The following BICRAL variants were observed in gnomAD, a reference collection of about 807,000 sequenced individuals.
BICRAL encodes BICRA like chromatin remodeling complex associated protein.
In BICRAL, 8 loss-of-function variants were observed where a neutral mutation model predicts 91.8. That is an observed-to-expected ratio of 0.09 (90% CI 0.05 to 0.16). The LOEUF (loss-of-function observed/expected upper bound fraction) is 0.16. Among genes scored for constraint, BICRAL ranks in the 10% least tolerant of loss-of-function variants. The pLI, the probability that BICRAL is intolerant of heterozygous loss-of-function variation, is 1.00. For missense variants in BICRAL, 1,038 were observed against 1,310.9 expected (o/e 0.79, Z 3.21); for synonymous variants, 445 against 491.1 (o/e 0.91, Z 1.24).
intron 1 of BICRAL, 120 bp downstream of exon 1, chr6:42,782,221 G>C: frequency 6.6e-6 from 1 of 150,498 alleles, no homozygotes; most frequent in South Asian, 2.1e-4. Flanking sequence ...AGGGAGGGGG[G>C]GCTGGAGATC....
At chr6:42,786,777 G>A (rs1763114552) in intron 1 of BICRAL, among the ~76,000 whole-genome samples, 2 of 152,116 alleles carry the variant, frequency 1.3e-5, no homozygotes, top group South Asian at 4.1e-4. Context: ...TGAAAAGCTG[G>A]GGAGACATTT....
intron 1 of BICRAL, among the ~76,000 whole-genome samples, chr6:42,764,554 G>C (rs984265374): frequency 6.6e-6 from 1 of 151,568 alleles, no homozygotes; most frequent in Non-Finnish European, 1.5e-5. Flanking sequence ...AAAAAAAAGA[G>C]TTTTGTGTTG....
At chr6:42,827,321 A>G (rs1378540509) in intron 5 of BICRAL, among the ~76,000 whole-genome samples, 1 of 152,224 alleles carries the variant, frequency 6.6e-6, no homozygotes, top group Non-Finnish European at 1.5e-5. Flanking sequence ...CATATCATGC[A>G]GGATATCTCT....
chr6:42,828,337 C>A (rs2113955710), intron 5 of BICRAL, among the ~76,000 whole-genome samples, 156 bp from the exon 6 acceptor site: 1 of 149,864 alleles, frequency 6.7e-6, no homozygotes, highest in East Asian at 2.0e-4. Flanking sequence ...GGAGGCGGAG[C>A]TTGCAGTGAG....
chr6:42,809,611 A>G (rs576547411), intron 1 of BICRAL, among the ~76,000 whole-genome samples: 114 of 151,586 alleles, frequency 7.5e-4, no homozygotes, highest in African/African-American at 2.7e-3. Context: ...AGTAGCTGGG[A>G]CCACAGGCCC....
In BICRAL at chr6:42,856,594, G is replaced by A. The variant is rs555193185; in HGVS notation, c.2109-497G>A. Among the ~76,000 whole-genome samples the A allele has an allele frequency of 6.6e-5, 10 of 151,758 alleles. No individual in the cohort carries two copies. The South Asian group carries it at 2.1e-3, about 32-fold the overall frequency. On this transcript the variant is annotated intron_variant, in intron 9 of 12. Coordinates refer to ENST00000314073, the MANE Select transcript of BICRAL (RefSeq NM_001393499.1). ...TCACCATGTTGGCCAGGCTGGTCTTGAACTCCTGACCTCAGGTGATCCACC... is the reference window on the plus strand; with the variant it reads ...TCACCATGTTGGCCAGGCTGGTCTTAAACTCCTGACCTCAGGTGATCCACC...
At chr6:42,854,350 T>C (rs1301708899) in intron 8 of BICRAL, among the ~76,000 whole-genome samples, 2 of 152,002 alleles carry the variant, frequency 1.3e-5, no homozygotes, top group Non-Finnish European at 2.9e-5. Context: ...GCCCAGCTGT[T>C]TTTTTGTATT....
intron 1 of BICRAL, among the ~76,000 whole-genome samples, chr6:42,796,372 T>G (rs532445447): frequency 6.6e-6 from 1 of 152,126 alleles, no homozygotes; most frequent in African/African-American, 2.4e-5. Flanking sequence ...GCCTAAGATA[T>G]GAGCATGCAT....
chr6:42,751,962 C>G (rs1279428781), intron 1 of BICRAL, among the ~76,000 whole-genome samples: 1 of 151,380 alleles, frequency 6.6e-6, no homozygotes. Flanking sequence ...CGGCCAAGCC[C>G]CTTTTTCTAG....
At chr6:42,862,933 C>G (rs957210362) in intron 12 of BICRAL, among the ~76,000 whole-genome samples, 4 of 152,116 alleles carry the variant, frequency 2.6e-5, no homozygotes, top group Non-Finnish European at 5.9e-5. Context: ...TAGATGTCAT[C>G]AAAGCTCTAT....
chr6:42,840,219 T>TTTTGTTTG (rs143931324), intron 6 of BICRAL, among the ~76,000 whole-genome samples: 17 of 150,396 alleles, frequency 1.1e-4, no homozygotes, highest in East Asian at 7.9e-4. Flanking sequence ...TTTTGTTCTT[T>TTTTGTTTG]TTTGTTTGTT....
chr6:42,828,416 A>T, intron 5 of BICRAL, 77 bp from the exon 6 acceptor site: 2 of 1,291,948 alleles, frequency 1.5e-6, no homozygotes, highest in Non-Finnish European at 2.1e-6. Flanking sequence ...AAAAAAAAAA[A>T]GTAAAAGTAA....
chr6:42,769,231 C>T (rs971144982), intron 1 of BICRAL, among the ~76,000 whole-genome samples: 2 of 152,180 alleles, frequency 1.3e-5, no homozygotes, highest in Non-Finnish European at 2.9e-5. Context: ...CCAAGCTCAC[C>T]CGTGAGGCGG....
intron 1 of BICRAL, among the ~76,000 whole-genome samples, chr6:42,774,074 C>T (rs1183862697): frequency 1.3e-5 from 2 of 152,152 alleles, no homozygotes; most frequent in Admixed American, 1.3e-4. Context: ...AGAACTAAGG[C>T]AATTCTGTTT....
intron 1 of BICRAL, among the ~76,000 whole-genome samples, chr6:42,795,812 T>C (rs1763400888): frequency 6.6e-6 from 1 of 152,252 alleles, no homozygotes; most frequent in Admixed American, 6.5e-5. Context: ...TTGAAAATTA[T>C]TACCATAACT....
chr6:42,829,953 C>T lies in BICRAL; in HGVS notation c.1620C>T (p.Phe540=). 6.2e-7 allele frequency: 1 copy of T among 1,614,248 alleles called. No individual in the cohort carries two copies. The highest frequency in any genetic ancestry group is 8.5e-7 in the Non-Finnish European group (1 of 1,180,038). Residue 540 remains phenylalanine, a synonymous_variant, in exon 6 of 13, where the codon TTC becomes TTT. Coordinates refer to ENST00000314073, the MANE Select transcript of BICRAL (RefSeq NM_001393499.1). ...CAAGCATGTCAGGACCTAGTCGGTTCCCTGCTGTCAGCTCAGCCAGCACTG... is the reference window on the plus strand; with the variant it reads ...CAAGCATGTCAGGACCTAGTCGGTTTCCTGCTGTCAGCTCAGCCAGCACTG... ...SVTSMSGPSR[F]PAVSSASTAH... is the part of the protein sequence containing the mutation.
intron 6 of BICRAL, among the ~76,000 whole-genome samples, chr6:42,845,496 G>A (rs1191231087): frequency 6.6e-6 from 1 of 151,902 alleles, no homozygotes; most frequent in Non-Finnish European, 1.5e-5. Flanking sequence ...ATGTTTGGGA[G>A]ATGTGTTTTG....
intron 6 of BICRAL, among the ~76,000 whole-genome samples, chr6:42,845,222 TTTTTTTTTTTTTTTTTTTTTTTTTTTA>T (rs1684246611): frequency 2.3e-5 from 2 of 86,356 alleles, no homozygotes; most frequent in Admixed American, 1.2e-4. Flanking sequence ...TTTTTTTTTT[TTTTTTTTTTTTTTTTTTTTTTTTTTTA>T]GACAGAGTTT....
chr6:42,829,938 A>T lies in BICRAL; in HGVS notation c.1605A>T (p.Ser535=), dbSNP rs1764424693. ...CCATGCCATCGGTGACAAGCATGTC[A>T]GGACCTAGTCGGTTCCCTGCTGTCA... ...FATMPSVTSM[S]GPSRFPAVSS... The change falls in exon 6 of 13, where the codon TCA becomes TCT. Residue 535 remains serine, a synonymous_variant. Transcript: ENST00000314073. 3 of 1,614,126 alleles carry T rather than the reference A, an allele frequency of 1.9e-6. No individual in the cohort carries two copies. The South Asian group carries it at 3.3e-5, about 18-fold the overall frequency.
Sources: gnomAD v4.1 joint callset for allele counts (sites outside exome capture counted in the v4.1 genomes callset) on GRCh38, gnomAD v4.1.1 for gene constraint, MANE v1.5 for transcripts, NCBI Gene and HGNC (gene_info 2026-07-23, HGNC 2026-07-21) for gene names.